Variants in OLFM2 observed in about 807,000 individuals in gnomAD.
OLFM2 encodes the protein olfactomedin 2, also known as noelin-2.
Under a neutral mutation model 43.9 loss-of-function variants are expected in OLFM2, and 20 were observed. The ratio of observed to expected loss-of-function variants is 0.46; its 90% CI spans 0.32 to 0.66. OLFM2 has a LOEUF of 0.66. Ranked by LOEUF, OLFM2 falls within the 30% of genes least tolerant of loss-of-function variation. OLFM2 has a pLI of 0.04. For synonymous variants in OLFM2, 268 were observed against 278.6 expected, an observed-to-expected ratio of 0.96 and a Z score of 0.38; for missense variants, 416 against 643.6, an observed-to-expected ratio of 0.65 and a Z score of 3.83.
At chr19:9,889,258 T>A (rs1599482722) in intron 1 of OLFM2, among the ~76,000 whole-genome samples, 1 of 151,870 alleles carries the variant, frequency 6.6e-6, no homozygotes, top group Admixed American at 6.6e-5. Context: ...GTATTTTGTT[T>A]TTTGTTTTTG....
At chr19:9,911,998 A>G (rs2046831059) in intron 1 of OLFM2, among the ~76,000 whole-genome samples, 2 of 152,178 alleles carry the variant, frequency 1.3e-5, no homozygotes, top group South Asian at 4.1e-4. Context: ...ACACCCAAGC[A>G]CAGTCACTCA....
rs2046526244 is a variant in OLFM2 at position 9,880,044 on chromosome 19, TG to T, written c.64-19251del. On this transcript the variant is annotated intron_variant, in intron 1 of 5. Coordinates refer to ENST00000264833, the MANE Select transcript of OLFM2 (RefSeq NM_058164.4). ...TGCCCACCTCAGCCTCCTAAAGTGC[TG>T]GGGTTACAGGCATAAGCCACTGGGC... Among the ~76,000 whole-genome samples the T allele has an allele frequency of 7.9e-5, 12 of 152,254 alleles. No individual in the cohort carries two copies. The South Asian group carries it at 2.5e-3, about 32-fold the overall frequency.
chr19:9,855,377 A>C (rs2145427749), intron 5 of OLFM2, among the ~76,000 whole-genome samples: 1 of 151,226 alleles, frequency 6.6e-6, no homozygotes, highest in African/African-American at 2.4e-5. Context: ...AGTAGCTGGG[A>C]TTACAGGCGC....
chr19:9,859,440 C>T (rs2145432965), intron 2 of OLFM2, among the ~76,000 whole-genome samples: 1 of 152,272 alleles, frequency 6.6e-6, no homozygotes, highest in Non-Finnish European at 1.5e-5. Context: ...CCTCAGCCTC[C>T]CGAGTAGGTG....
intron 1 of OLFM2, among the ~76,000 whole-genome samples, chr19:9,912,105 T>C (rs10413594): frequency 0.62 from 93,843 of 151,726 alleles, 29,256 homozygotes; most frequent in African/African-American, 0.67. Flanking sequence ...TCCACTCCCA[T>C]TCCCCCATAT....
At chr19:9,871,893 C>G (rs187747056) in intron 1 of OLFM2, among the ~76,000 whole-genome samples, 46 of 152,322 alleles carry the variant, frequency 3.0e-4, no homozygotes, top group Admixed American at 2.8e-3. Context: ...ACCAGTGGGA[C>G]AGAGAGCAAA....
chr19:9,886,870 G>A (rs1009365568), intron 1 of OLFM2, among the ~76,000 whole-genome samples: 1 of 150,082 alleles, frequency 6.7e-6, no homozygotes, highest in Non-Finnish European at 1.5e-5. Flanking sequence ...TTTTAGTGGA[G>A]ACAAGGTTTC....
chr19:9,887,363 G>A (rs62104264), intron 1 of OLFM2, among the ~76,000 whole-genome samples: 2 of 151,510 alleles, frequency 1.3e-5, no homozygotes, highest in African/African-American at 4.9e-5. Flanking sequence ...ATTTTTAGTA[G>A]AGATGAGGTT....
intron 1 of OLFM2, among the ~76,000 whole-genome samples, chr19:9,906,641 C>T (rs964497820): frequency 1.3e-5 from 2 of 152,070 alleles, no homozygotes; most frequent in African/African-American, 2.4e-5. Context: ...GTCAGAGATA[C>T]GGACTCTGAA....
chr19:9,860,836 G>A (rs1295334567), intron 1 of OLFM2, 42 bp from the exon 2 acceptor site: 2 of 1,571,132 alleles, frequency 1.3e-6, no homozygotes, highest in South Asian at 1.1e-5. Context: ...CCCAGTGAGG[G>A]TCTCGCCTCG....
intron 1 of OLFM2, among the ~76,000 whole-genome samples, chr19:9,904,777 C>T (rs752038241): frequency 5.3e-5 from 8 of 151,756 alleles, no homozygotes; most frequent in Non-Finnish European, 1.2e-4. Context: ...CCCAACACTC[C>T]GGGAGGCCAA....
intron 1 of OLFM2, among the ~76,000 whole-genome samples, chr19:9,923,200 T>C (rs1214686205): frequency 6.6e-6 from 1 of 152,188 alleles, no homozygotes; most frequent in African/African-American, 2.4e-5. Context: ...CAATACTCGC[T>C]GGGGCATTTG....
chr19:9,865,817 T>TAAA (rs35276534), intron 1 of OLFM2, among the ~76,000 whole-genome samples: 2 of 124,126 alleles, frequency 1.6e-5, no homozygotes, highest in African/African-American at 5.8e-5. Flanking sequence ...ATCTCATTCT[T>TAAA]AAAAAAAAAA....
chr19:9,876,521 T>C (rs188842241), intron 1 of OLFM2, among the ~76,000 whole-genome samples: 35 of 152,292 alleles, frequency 2.3e-4, no homozygotes, highest in Non-Finnish European at 3.4e-4. Context: ...TAGGTCCCCA[T>C]GCGCCCCTGC....
At position 9,906,302 on chromosome 19, in the gene OLFM2, G is replaced by C. The variant is rs567975692; in HGVS notation, c.63+30002C>G. 8.8e-5 allele frequency among the ~76,000 whole-genome samples: 13 copies of C among 147,900 alleles called. No homozygotes were observed. The South Asian group carries it at 1.5e-3, about 17-fold the overall frequency. ...CTCCCAGGAGGCTGCGGGCACACAG[G>C]GTGGGGGAGAGGGCAGGGGAAGTGG... On this transcript the variant is annotated intron_variant, in intron 1 of 5. Transcript: ENST00000264833.
chr19:9,883,799 C>A (rs907369677), intron 1 of OLFM2, among the ~76,000 whole-genome samples: 1 of 152,120 alleles, frequency 6.6e-6, no homozygotes, highest in Non-Finnish European at 1.5e-5. Flanking sequence ...TTTGCATGCA[C>A]GATGTGTGCA....
intron 1 of OLFM2, among the ~76,000 whole-genome samples, chr19:9,905,490 A>G (rs1161207911): frequency 6.6e-6 from 1 of 151,818 alleles, no homozygotes; most frequent in South Asian, 2.1e-4. Context: ...ATACAAAAAA[A>G]ATTATCCAGG....
intron 1 of OLFM2, among the ~76,000 whole-genome samples, chr19:9,935,148 C>T (rs1229841198): frequency 6.6e-6 from 1 of 152,148 alleles, no homozygotes; most frequent in East Asian, 1.9e-4. Context: ...ATACCATGCT[C>T]TAGTAGGGAG....
At chr19:9,905,665 C>A (rs920880846) in intron 1 of OLFM2, among the ~76,000 whole-genome samples, 13 of 151,808 alleles carry the variant, frequency 8.6e-5, no homozygotes, top group Admixed American at 1.3e-4. Flanking sequence ...CCTTCTTGAG[C>A]CACTAGTGCT....
Sources: allele counts gnomAD v4.1 joint callset (sites outside exome capture counted in the v4.1 genomes callset), GRCh38; gene constraint gnomAD v4.1.1; transcripts MANE v1.5; gene names NCBI Gene and HGNC (gene_info 2026-07-23, HGNC 2026-07-21).